PLEKHA6: variants seen among roughly 807,000 people sequenced by gnomAD.
PLEKHA6 encodes the protein pleckstrin homology domain-containing family A member 6.
In PLEKHA6, 60 loss-of-function variants were observed where a neutral mutation model predicts 116.7. That is an observed-to-expected ratio of 0.51 (90% confidence interval 0.42 to 0.64). PLEKHA6 has a LOEUF of 0.64. Ranked by LOEUF, PLEKHA6 falls within the 30% of genes least tolerant of loss-of-function variation. The pLI, the probability that PLEKHA6 is intolerant of heterozygous loss-of-function variation, is 0.00. For missense variants in PLEKHA6, 1,338 were observed against 1,422.7 expected, an observed-to-expected ratio of 0.94 and a Z score of 0.96; for synonymous variants, 489 against 556.1, an observed-to-expected ratio of 0.88 and a Z score of 1.70.
intron 3 of PLEKHA6, among the ~76,000 whole-genome samples, chr1:204,273,370 G>C (rs188953482): frequency 1.1e-4 from 16 of 152,282 alleles, no homozygotes; most frequent in Non-Finnish European, 2.1e-4. Flanking sequence ...CTCATAGCAC[G>C]ATGAATCATC....
At chr1:204,344,452 A>C (rs1672958210) in intron 1 of PLEKHA6, among the ~76,000 whole-genome samples, 1 of 151,788 alleles carries the variant, frequency 6.6e-6, no homozygotes. Flanking sequence ...ATACAAAAAT[A>C]AGCTGGACGT....
chr1:204,343,236 A>G (rs1044568532), intron 1 of PLEKHA6, among the ~76,000 whole-genome samples: 5 of 152,242 alleles, frequency 3.3e-5, no homozygotes, highest in African/African-American at 1.2e-4. Context: ...GGAACAGACA[A>G]TGTCTAGAGT....
At chr1:204,266,354 G>T (rs1666818582) in intron 5 of PLEKHA6, among the ~76,000 whole-genome samples, 1 of 152,112 alleles carries the variant, frequency 6.6e-6, no homozygotes, top group Non-Finnish European at 1.5e-5. Flanking sequence ...CCCCCATTTT[G>T]GTGTGTCCTG....
chr1:204,270,296 G>A (rs1438236656), intron 3 of PLEKHA6, among the ~76,000 whole-genome samples: 1 of 151,980 alleles, frequency 6.6e-6, no homozygotes, highest in African/African-American at 2.4e-5. Context: ...TTTACATCGT[G>A]CCTGTGTTAC....
intron 3 of PLEKHA6, among the ~76,000 whole-genome samples, chr1:204,273,148 T>C (rs1251561352): frequency 6.6e-6 from 1 of 152,020 alleles, no homozygotes; most frequent in African/African-American, 2.4e-5. Flanking sequence ...CTTCCTTCCT[T>C]CCCCCTCTCT....
At chr1:204,333,307 G>A (rs749552437) in intron 1 of PLEKHA6, among the ~76,000 whole-genome samples, 1 of 152,228 alleles carries the variant, frequency 6.6e-6, no homozygotes, top group Non-Finnish European at 1.5e-5. Context: ...TGGCTTGGAG[G>A]AGCAGGCAAT....
At chr1:204,320,794 T>C (rs754889348) in intron 1 of PLEKHA6, among the ~76,000 whole-genome samples, 2 of 152,190 alleles carry the variant, frequency 1.3e-5, no homozygotes, top group Non-Finnish European at 2.9e-5. Flanking sequence ...GGTATGTGTG[T>C]GTAGAATGGG....
At chr1:204,260,294 T>C (rs1259895492) in intron 7 of PLEKHA6, among the ~76,000 whole-genome samples, 1 of 152,192 alleles carries the variant, frequency 6.6e-6, no homozygotes, top group Non-Finnish European at 1.5e-5. Context: ...AGATAAAACA[T>C]GGCGGGCACC....
At chr1:204,373,803 T>G (rs1673820138) in intron 1 of PLEKHA6, among the ~76,000 whole-genome samples, 1 of 152,118 alleles carries the variant, frequency 6.6e-6, no homozygotes, top group Non-Finnish European at 1.5e-5. Context: ...AACCTACCCC[T>G]CTGATAAGCA....
At chr1:204,287,402 A>G (rs1669308805) in intron 1 of PLEKHA6, among the ~76,000 whole-genome samples, 1 of 152,050 alleles carries the variant, frequency 6.6e-6, no homozygotes, top group Admixed American at 6.6e-5. Context: ...AAGAGCACAA[A>G]TGTTTTGGAG....
chr1:204,252,262 T>C (rs1242387653), intron 9 of PLEKHA6, among the ~76,000 whole-genome samples: 1 of 150,730 alleles, frequency 6.6e-6, no homozygotes, highest in Non-Finnish European at 1.5e-5. Flanking sequence ...ACATTCTTTC[T>C]ATTTCAAGAA....
At chr1:204,287,372 A>G (rs1303040681) in intron 1 of PLEKHA6, among the ~76,000 whole-genome samples, 1 of 152,048 alleles carries the variant, frequency 6.6e-6, no homozygotes, top group Non-Finnish European at 1.5e-5. Context: ...CAAAACTGTC[A>G]TTAGAAGGTG....
At chr1:204,279,084 G>A (rs1046749388) in intron 1 of PLEKHA6, among the ~76,000 whole-genome samples, 2 of 152,084 alleles carry the variant, frequency 1.3e-5, no homozygotes, top group Non-Finnish European at 2.9e-5. Context: ...TCAGTAGGAC[G>A]GGAAGAAAAT....
At chr1:204,279,879 C>T (rs866354132) in intron 1 of PLEKHA6, among the ~76,000 whole-genome samples, 46 of 152,308 alleles carry the variant, frequency 3.0e-4, no homozygotes, top group African/African-American at 1.0e-3. Context: ...AGCACAGACA[C>T]TAATTCTATG....
intron 1 of PLEKHA6, chr1:204,320,401 T>C: frequency 1.4e-6 from 1 of 695,700 alleles, no homozygotes; most frequent in Non-Finnish European, 1.8e-6. Context: ...GCCCTCCATC[T>C]GGATTCACCA....
At chr1:204,320,349 G>A (rs1422168868) in intron 1 of PLEKHA6, 2 of 253,626 alleles carry the variant, frequency 7.9e-6, no homozygotes, top group East Asian at 1.8e-4. Flanking sequence ...GTGCTTCTTA[G>A]GTGGGGAGCT....
Position 204,265,097 on chromosome 1 carries a change from G to GCA in PLEKHA6, c.281-56_281-55insTG, listed in dbSNP as rs1558100419. The GCA allele has an allele frequency of 2.9e-5, 35 of 1,224,646 alleles. No homozygotes were observed. In the African/African-American group the frequency reaches 4.9e-4, roughly 17 times the overall value. The allele number at this position is 1,224,646 out of a possible 1,614,324, so 75.9% of individuals were successfully genotyped here. ...TGTGTGTGTGTGTGCAAGCGTGTGC[G>GCA]TGCGCCAGGGGTGGGGAGGAGTGTG... On this transcript the variant is annotated intron_variant, in intron 5 of 22. Coordinates refer to ENST00000272203, the MANE Select transcript of PLEKHA6 (RefSeq NM_014935.5).
rs763263762 is a variant in PLEKHA6 at position 204,249,007 on chromosome 1, A to G, written c.1675-37T>C. ...CAGGGGAATGACATGAGCAGCCCTG[A>G]CAGCTCCTCTCTGGGATTGAACAGC... On this transcript the variant is annotated intron_variant, in intron 11 of 22. Transcript: ENST00000272203. The G allele has an allele frequency of 8.7e-6, 14 of 1,607,790 alleles. No homozygotes were observed. The African/African-American group carries it at 1.9e-4, about 22-fold the overall frequency.
intron 12 of PLEKHA6, among the ~76,000 whole-genome samples, chr1:204,247,917 C>T (rs1013820295): frequency 1.3e-5 from 2 of 150,920 alleles, no homozygotes; most frequent in Non-Finnish European, 2.9e-5. Flanking sequence ...TGTGCTACTG[C>T]ACTCCAGCCT....
Sources: gnomAD v4.1 joint callset for allele counts (sites outside exome capture counted in the v4.1 genomes callset) on GRCh38, gnomAD v4.1.1 for gene constraint, MANE v1.5 for transcripts, NCBI Gene and HGNC (gene_info 2026-07-23, HGNC 2026-07-21) for gene names.